Variants in EPB41L2 observed in about 807,000 individuals in gnomAD.
The protein encoded by EPB41L2 is band 4.1-like protein 2.
Under a neutral mutation model 113.0 loss-of-function variants are expected in EPB41L2, and 43 were observed. The ratio of observed to expected loss-of-function variants is 0.38; its 90% CI spans 0.30 to 0.49. EPB41L2 has a LOEUF of 0.49. EPB41L2 is among the 20% of genes least tolerant of loss of function. EPB41L2 has a pLI of 0.95. For missense variants in EPB41L2, 1,147 were observed against 1,223.4 expected (o/e 0.94, Z 0.93); for synonymous variants, 442 against 436.7 (o/e 1.01, Z -0.15).
intron 4 of EPB41L2, among the ~76,000 whole-genome samples, chr6:130,909,597 T>C (rs2128512356): frequency 6.6e-6 from 1 of 152,316 alleles, no homozygotes; most frequent in East Asian, 1.9e-4. Flanking sequence ...AGTCAAATTG[T>C]CTCTGTTTGC....
At chr6:130,885,349 TAAAC>T in intron 11 of EPB41L2, 81 bp from the exon 12 acceptor site, 3 of 1,346,280 alleles carry the variant, frequency 2.2e-6, no homozygotes, top group Non-Finnish European at 3.2e-6. Context: ...TTACAGGAGA[TAAAC>T]AGGCAGCATA....
chr6:130,914,816 C>G (rs1800441050), intron 4 of EPB41L2, among the ~76,000 whole-genome samples: 1 of 152,098 alleles, frequency 6.6e-6, no homozygotes, highest in South Asian at 2.1e-4. Flanking sequence ...GTCACTTACT[C>G]AATTCAGTAT....
rs1817477881 is a variant in EPB41L2, at chr6:130,956,486, G to C, written c.-1C>G. ...ACACAGAGCCTACTTCAGTAGTCAT[G>C]GCCACAGCTTATGCTGTAATCAAAA... On this transcript the variant is annotated 5_prime_UTR_variant, in exon 2 of 20. Transcript: ENST00000337057. 1 of 1,609,062 alleles carries C rather than the reference G, an allele frequency of 6.2e-7. No individual in the cohort carries two copies. The highest frequency in any genetic ancestry group is 8.5e-7 in the Non-Finnish European group (1 of 1,178,190).
chr6:131,049,735 GT>G (rs1176182113), intron 1 of EPB41L2, among the ~76,000 whole-genome samples: 2 of 152,148 alleles, frequency 1.3e-5, no homozygotes, highest in Admixed American at 1.3e-4. Context: ...TGTTTTTTCA[GT>G]AGTATTTCAA....
chr6:130,929,070 T>C (rs1805787788), intron 3 of EPB41L2, among the ~76,000 whole-genome samples: 1 of 152,212 alleles, frequency 6.6e-6, no homozygotes, highest in African/African-American at 2.4e-5. Context: ...GAGATCCTGA[T>C]TGCACATACA....
intron 1 of EPB41L2, among the ~76,000 whole-genome samples, chr6:131,057,306 A>G (rs1797787418): frequency 6.6e-6 from 1 of 152,198 alleles, no homozygotes; most frequent in East Asian, 1.9e-4. Flanking sequence ...TTACAGTCTC[A>G]GGCAGTTTAT....
intron 14 of EPB41L2, among the ~76,000 whole-genome samples, chr6:130,870,672 G>A (rs985693092): frequency 9.2e-5 from 14 of 152,070 alleles, no homozygotes; most frequent in African/African-American, 3.4e-4. Flanking sequence ...TACCAAAGCT[G>A]ACTCATCATT....
chr6:130,979,371 T>C (rs1323318042), intron 1 of EPB41L2, among the ~76,000 whole-genome samples: 1 of 151,682 alleles, frequency 6.6e-6, no homozygotes, highest in East Asian at 1.9e-4. Context: ...GGCACACGCC[T>C]GTAATCCCAG....
intron 19 of EPB41L2, among the ~76,000 whole-genome samples, chr6:130,847,098 T>C (rs986167787): frequency 6.6e-6 from 1 of 152,356 alleles, no homozygotes; most frequent in Admixed American, 6.5e-5. Context: ...TCAACAAATG[T>C]TTCCAGCTGT....
At chr6:130,899,787 G>A (rs1562434243) in intron 7 of EPB41L2, among the ~76,000 whole-genome samples, 1 of 118,964 alleles carries the variant, frequency 8.4e-6, no homozygotes, top group Non-Finnish European at 2.0e-5. Flanking sequence ...AAACTGCATG[G>A]AGGTATACCT....
chr6:130,969,347 G>A (rs1436370872), intron 1 of EPB41L2, among the ~76,000 whole-genome samples: 1 of 152,176 alleles, frequency 6.6e-6, no homozygotes. Context: ...GAGGTCATCT[G>A]CTAATTACAG....
chr6:130,972,487 C>G lies in EPB41L2; in HGVS notation c.-14-15988G>C, dbSNP rs539758326. Among the ~76,000 whole-genome samples, 7 of 150,978 alleles carry G rather than the reference C, an allele frequency of 4.6e-5. No homozygotes were observed. In the South Asian group the frequency reaches 1.5e-3, roughly 32 times the overall value. Reference sequence around the variant, plus strand: ...CAGCTCAGCACAATCTGAGAAATAACTAATGTTCCTTAACTCTACAGTACC... The same window carrying G: ...CAGCTCAGCACAATCTGAGAAATAAGTAATGTTCCTTAACTCTACAGTACC... On this transcript the variant is annotated intron_variant, in intron 1 of 19. Transcript: ENST00000337057.
intron 1 of EPB41L2, among the ~76,000 whole-genome samples, chr6:130,961,700 G>C (rs944635051): frequency 6.6e-6 from 1 of 152,170 alleles, no homozygotes; most frequent in Admixed American, 6.5e-5. Context: ...CAAAACCCCT[G>C]AGCAGGGAAC....
chr6:131,045,940 CTT>C (rs1795354282), intron 1 of EPB41L2, among the ~76,000 whole-genome samples: 1 of 138,450 alleles, frequency 7.2e-6, no homozygotes, highest in Admixed American at 7.6e-5. Flanking sequence ...CTATATTTTT[CTT>C]TCTCTCTTTT....
At chr6:130,924,514 G>A (rs536389656) in intron 4 of EPB41L2, among the ~76,000 whole-genome samples, 1 of 152,182 alleles carries the variant, frequency 6.6e-6, no homozygotes, top group African/African-American at 2.4e-5. Context: ...AAGTAGCTGG[G>A]ACTACAGGCG....
chr6:130,972,259 G>C (rs1776977124), intron 1 of EPB41L2, among the ~76,000 whole-genome samples: 1 of 150,028 alleles, frequency 6.7e-6, no homozygotes, highest in African/African-American at 2.5e-5. Flanking sequence ...AGGAGGTGGA[G>C]GTTGCAGTAA....
At chr6:130,954,282 T>C in intron 3 of EPB41L2, among the ~76,000 whole-genome samples, 1 of 152,014 alleles carries the variant, frequency 6.6e-6, no homozygotes, top group Admixed American at 6.6e-5. Flanking sequence ...CTGGATCTCC[T>C]GACCTCGTGA....
At chr6:130,841,041 C>G (rs1235182879) in intron 19 of EPB41L2, among the ~76,000 whole-genome samples, 1 of 151,742 alleles carries the variant, frequency 6.6e-6, no homozygotes, top group Non-Finnish European at 1.5e-5. Flanking sequence ...AAGAAGTACA[C>G]AGTATTATGA....
At chr6:130,934,073 C>G (rs1223138125) in intron 3 of EPB41L2, among the ~76,000 whole-genome samples, 1 of 152,178 alleles carries the variant, frequency 6.6e-6, no homozygotes, top group Non-Finnish European at 1.5e-5. Context: ...ATGCACAGAG[C>G]AAACACAACA....
Sources: gnomAD v4.1 joint callset for allele counts (sites outside exome capture counted in the v4.1 genomes callset) on GRCh38, gnomAD v4.1.1 for gene constraint, MANE v1.5 for transcripts, NCBI Gene and HGNC (gene_info 2026-07-23, HGNC 2026-07-21) for gene names.